PCDHA4: variants seen among roughly 807,000 people sequenced by gnomAD.
PCDHA4 encodes the protein protocadherin alpha-4.
A neutral mutation model predicts 61.4 loss-of-function variants in PCDHA4; 49 were observed. The observed-to-expected ratio is 0.80, with a 90% confidence interval of 0.63 to 1.01. PCDHA4 has a LOEUF of 1.01. PCDHA4 is among the 50% of genes least tolerant of loss of function. The pLI, the probability that PCDHA4 is intolerant of heterozygous loss-of-function variation, is 0.00. For synonymous variants in PCDHA4, 590 were observed against 550.3 expected, an observed-to-expected ratio of 1.07 and a Z score of -1.01; for missense variants, 1,254 against 1,235.8, an observed-to-expected ratio of 1.01 and a Z score of -0.22.
At position 140,928,478 on chromosome 5, in the gene PCDHA4, A is replaced by T. The variant is rs1554205922; in HGVS notation, c.2386-50471A>T. Reference sequence around the variant, plus strand: ...TTTCATTTCCAAGTAGAAGGCCGGGATGGTGGCATTCCTCCCAGAAGTGCA... The same window carrying T: ...TTTCATTTCCAAGTAGAAGGCCGGGTTGGTGGCATTCCTCCCAGAAGTGCA... On this transcript the variant is annotated intron_variant, in intron 1 of 3. Coordinates refer to ENST00000530339, the MANE Select transcript of PCDHA4 (RefSeq NM_018907.4). 2.5e-5 allele frequency: 40 copies of T among 1,614,132 alleles called. No individual in the cohort carries two copies. The highest frequency in any genetic ancestry group is 3.3e-5 in the Non-Finnish European group (39 of 1,180,008).
At chr5:140,871,197 C>T (rs1554165260) in intron 1 of PCDHA4, 1 of 1,613,664 alleles carries the variant, frequency 6.2e-7, no homozygotes, top group Admixed American at 1.7e-5. Flanking sequence ...TCAACGTGTA[C>T]CTGATCATCG....
At chr5:140,924,312 T>G (rs752006188) in intron 1 of PCDHA4, among the ~76,000 whole-genome samples, 84 of 152,338 alleles carry the variant, frequency 5.5e-4, no homozygotes, top group Non-Finnish European at 7.9e-4. Context: ...TCCTTTAATT[T>G]TATCTGAGAC....
chr5:140,982,071 G>A (rs1484711558), intron 2 of PCDHA4, among the ~76,000 whole-genome samples: 12 of 151,172 alleles, frequency 7.9e-5, no homozygotes, highest in Admixed American at 7.9e-4. Flanking sequence ...TTCTTCTTTA[G>A]AGTAGAGAAC....
At chr5:140,833,431 G>A (rs1035450581) in intron 1 of PCDHA4, among the ~76,000 whole-genome samples, 12 of 152,150 alleles carry the variant, frequency 7.9e-5, no homozygotes, top group African/African-American at 2.9e-4. Context: ...AGATGGCTGA[G>A]CACTGAAATT....
At chr5:140,883,627 G>A (rs781902332) in intron 1 of PCDHA4, 34 of 1,613,816 alleles carry the variant, frequency 2.1e-5, no homozygotes, top group Non-Finnish European at 2.7e-5. Context: ...ACAACGCGCC[G>A]GCGTTCGCGC....
chr5:140,841,116 T>G, intron 1 of PCDHA4: 1 of 615,478 alleles, frequency 1.6e-6, no homozygotes, highest in Admixed American at 3.3e-5. Context: ...GTAATTCATG[T>G]AATCATTACC....
chr5:140,992,154 C>T (rs2097495252), intron 3 of PCDHA4, among the ~76,000 whole-genome samples: 1 of 151,952 alleles, frequency 6.6e-6, no homozygotes. Flanking sequence ...TTTGCTCAAT[C>T]AAGAAGTGTG....
At chr5:140,836,574 G>C in intron 1 of PCDHA4, 10 of 1,613,706 alleles carry the variant, frequency 6.2e-6, no homozygotes, top group Non-Finnish European at 8.5e-6. Context: ...CTCTGAGGGC[G>C]CATGTAGTTT....
At chr5:140,927,165 T>A in intron 1 of PCDHA4, 1 of 1,614,164 alleles carries the variant, frequency 6.2e-7, no homozygotes, top group Non-Finnish European at 8.5e-7. Context: ...GGGCCAAAGC[T>A]GCCTGCGTCT....
At chr5:140,888,488 C>T (rs1257053839) in intron 1 of PCDHA4, among the ~76,000 whole-genome samples, 2 of 152,204 alleles carry the variant, frequency 1.3e-5, no homozygotes, top group African/African-American at 2.4e-5. Context: ...TGTTGAGAAA[C>T]TCTGCTTTAA....
At chr5:140,870,368 T>A in intron 1 of PCDHA4, 1 of 1,614,094 alleles carries the variant, frequency 6.2e-7, no homozygotes, top group Admixed American at 1.7e-5. Context: ...GCCTATGAAC[T>A]GGTGGTGACT....
intron 1 of PCDHA4, chr5:140,860,892 C>A (rs1554153919): frequency 6.6e-6 from 1 of 152,368 alleles, no homozygotes; most frequent in Non-Finnish European, 1.5e-5. Flanking sequence ...TGCCCGCCAA[C>A]ACGCCAGGCT....
At chr5:140,965,838 T>C (rs1486782697) in intron 1 of PCDHA4, among the ~76,000 whole-genome samples, 5 of 152,204 alleles carry the variant, frequency 3.3e-5, no homozygotes, top group African/African-American at 1.2e-4. Flanking sequence ...ATATTGGTTA[T>C]TTGCCAAGGC....
chr5:140,839,247 T>A (rs1421904889), intron 1 of PCDHA4, among the ~76,000 whole-genome samples: 1 of 152,090 alleles, frequency 6.6e-6, no homozygotes, highest in African/African-American at 2.4e-5. Flanking sequence ...GCTTTGCTTT[T>A]ATGCTTACAT....
At chr5:140,924,901 A>AAAAAT (rs10667761) in intron 1 of PCDHA4, among the ~76,000 whole-genome samples, 10,380 of 79,870 alleles carry the variant, frequency 0.13, 426 homozygotes, top group East Asian at 0.37. Context: ...TCTCAAAAAA[A>AAAAAT]AAAATAAAAT....
intron 1 of PCDHA4, among the ~76,000 whole-genome samples, chr5:140,975,809 TA>T (rs146252033): frequency 0.06 from 9,090 of 152,310 alleles, 381 homozygotes; most frequent in East Asian, 0.11. Context: ...TTTATAATTT[TA>T]ATAGGAACTG....
intron 1 of PCDHA4, chr5:140,928,982 G>T: frequency 6.2e-7 from 1 of 1,613,824 alleles, no homozygotes; most frequent in Non-Finnish European, 8.5e-7. Flanking sequence ...TTATTTCTGG[G>T]GTGCTTACTT....
chr5:140,949,161 C>T (rs2094347975), intron 1 of PCDHA4, among the ~76,000 whole-genome samples: 1 of 151,598 alleles, frequency 6.6e-6, no homozygotes, highest in Admixed American at 6.6e-5. Context: ...TAATCTAATT[C>T]TCTTTTGGTC....
chr5:140,876,034 A>G, intron 1 of PCDHA4: 1 of 1,613,792 alleles, frequency 6.2e-7, no homozygotes, highest in Admixed American at 1.7e-5. Flanking sequence ...AAAAAAAGAT[A>G]AAAGTATATT....
Sources: allele counts gnomAD v4.1 joint callset (sites outside exome capture counted in the v4.1 genomes callset), GRCh38; gene constraint gnomAD v4.1.1; transcripts MANE v1.5; gene names NCBI Gene and HGNC (gene_info 2026-07-23, HGNC 2026-07-21).